Variants in MYO1B observed in about 807,000 individuals in gnomAD.
MYO1B encodes the protein myosin IB.
A neutral mutation model predicts 159.7 loss-of-function variants in MYO1B; 72 were observed. The ratio of observed to expected loss-of-function variants is 0.45; its 90% confidence interval spans 0.37 to 0.55. The LOEUF is 0.55. Among genes scored for constraint, MYO1B ranks in the 20% least tolerant of loss-of-function variants. MYO1B has a pLI of 0.00. For synonymous variants in MYO1B, 468 were observed against 473.8 expected (o/e 0.99, Z 0.16); for missense variants, 1,062 against 1,364.8 (o/e 0.78, Z 3.50).
chr2:191,326,436 G>A (rs1691072064), intron 3 of MYO1B, among the ~76,000 whole-genome samples: 3 of 152,186 alleles, frequency 2.0e-5, no homozygotes, highest in Admixed American at 1.3e-4. Flanking sequence ...TAAGAAATAA[G>A]TCTGATGACA....
chr2:191,302,699 A>G (rs1349782066), intron 3 of MYO1B, among the ~76,000 whole-genome samples: 6 of 152,170 alleles, frequency 3.9e-5, no homozygotes, highest in African/African-American at 1.2e-4. Flanking sequence ...GTTAGGATAT[A>G]ATGTGATGGC....
chr2:191,397,017 C>T (rs147068897), intron 21 of MYO1B, among the ~76,000 whole-genome samples: 1,667 of 151,962 alleles, frequency 0.011, 28 homozygotes, highest in Non-Finnish European at 0.012. Context: ...CACTGAACTA[C>T]AGGCCACAGG....
intron 2 of MYO1B, among the ~76,000 whole-genome samples, chr2:191,282,811 A>T (rs1688142926): frequency 6.6e-6 from 1 of 152,220 alleles, no homozygotes; most frequent in African/African-American, 2.4e-5. Flanking sequence ...TAGATGAAGT[A>T]GGGAAGGAAG....
At chr2:191,377,164 T>C (rs1165502061) in intron 13 of MYO1B, among the ~76,000 whole-genome samples, 2 of 152,316 alleles carry the variant, frequency 1.3e-5, no homozygotes, top group East Asian at 3.9e-4. Flanking sequence ...TATCCCAATC[T>C]ATAGTTGGTA....
intron 3 of MYO1B, among the ~76,000 whole-genome samples, chr2:191,314,950 G>T (rs145501938): frequency 6.3e-4 from 96 of 152,234 alleles, no homozygotes; most frequent in African/African-American, 2.2e-3. Context: ...TTTTTAAATT[G>T]TAGATTTTTT....
chr2:191,323,654 G>C (rs1305646739), intron 3 of MYO1B, among the ~76,000 whole-genome samples: 5 of 152,058 alleles, frequency 3.3e-5, no homozygotes, highest in Non-Finnish European at 7.4e-5. Flanking sequence ...GATTCTAAAG[G>C]AAGAAGAAAC....
intron 11 of MYO1B, among the ~76,000 whole-genome samples, chr2:191,365,775 C>T (rs1252226451): frequency 1.3e-5 from 2 of 152,056 alleles, no homozygotes; most frequent in African/African-American, 4.8e-5. Flanking sequence ...AGATTTGGGG[C>T]ACATATCAGA....
chr2:191,315,892 G>A (rs1416072589), intron 3 of MYO1B, among the ~76,000 whole-genome samples: 1 of 152,222 alleles, frequency 6.6e-6, no homozygotes, highest in Non-Finnish European at 1.5e-5. Flanking sequence ...GTTAGAACCA[G>A]TGCAGAATTC....
chr2:191,423,561 G>A (rs1698077591), intron 30 of MYO1B, among the ~76,000 whole-genome samples: 1 of 152,148 alleles, frequency 6.6e-6, no homozygotes, highest in African/African-American at 2.4e-5. Flanking sequence ...GTGGTTCATT[G>A]TTCACTGAAA....
At chr2:191,399,275 G>A (rs906481542) in intron 21 of MYO1B, among the ~76,000 whole-genome samples, 2 of 302 alleles carry the variant, frequency 6.6e-3, no homozygotes, top group African/African-American at 8.5e-3. Context: ...CGTGGGGAGA[G>A]GGAGAGGGAG....
At chr2:191,398,551 C>T (rs1332732719) in intron 21 of MYO1B, among the ~76,000 whole-genome samples, 66 of 148,150 alleles carry the variant, frequency 4.5e-4, no homozygotes, top group Non-Finnish European at 2.7e-4. Context: ...ACTTCTCAGA[C>T]GGGGCGGCCG....
intron 7 of MYO1B, among the ~76,000 whole-genome samples, chr2:191,354,256 A>AAT (rs1693120953): frequency 7.0e-6 from 1 of 143,860 alleles, no homozygotes; most frequent in Non-Finnish European, 1.5e-5. Flanking sequence ...ACTCCGTCTT[A>AAT]AATAATAATA....
At chr2:191,392,944 G>A in intron 19 of MYO1B, 129 bp from the exon 20 acceptor site, 1 of 743,728 alleles carries the variant, frequency 1.3e-6, no homozygotes, top group Non-Finnish European at 2.2e-6. Flanking sequence ...AATGCATATG[G>A]TTTTTCAGTT....
At chr2:191,276,394 A>G (rs1185455594) in intron 1 of MYO1B, among the ~76,000 whole-genome samples, 3 of 152,224 alleles carry the variant, frequency 2.0e-5, no homozygotes, top group African/African-American at 7.2e-5. Flanking sequence ...TACCTACCTC[A>G]TAGAGTTATT....
chr2:191,416,272 T>G (rs764919486), intron 30 of MYO1B, 30 bp downstream of exon 30: 2 of 1,613,156 alleles, frequency 1.2e-6, no homozygotes, highest in Non-Finnish European at 1.7e-6. Flanking sequence ...GAAAACCCTT[T>G]TTCTCTTTCA....
At chr2:191,253,032 G>A (rs567911065) in intron 1 of MYO1B, among the ~76,000 whole-genome samples, 20 of 151,788 alleles carry the variant, frequency 1.3e-4, no homozygotes, top group Admixed American at 1.2e-3. Flanking sequence ...TACCCAAAGT[G>A]AGTTGTTCCA....
chr2:191,266,610 G>A (rs1378155), intron 1 of MYO1B, among the ~76,000 whole-genome samples: 57,869 of 152,046 alleles, frequency 0.38, 11,220 homozygotes, highest in Middle Eastern at 0.54. Flanking sequence ...TTTCAGACCC[G>A]TCAGAAAAGC....
At chr2:191,373,322 G>A (rs925588515) in intron 13 of MYO1B, among the ~76,000 whole-genome samples, 5 of 152,190 alleles carry the variant, frequency 3.3e-5, no homozygotes, top group African/African-American at 4.8e-5. Flanking sequence ...GGCTGCAGCA[G>A]CAACCTTTTT....
intron 3 of MYO1B, among the ~76,000 whole-genome samples, chr2:191,302,175 T>A (rs930463972): frequency 6.6e-6 from 1 of 152,346 alleles, no homozygotes; most frequent in East Asian, 1.9e-4. Flanking sequence ...ACAAGGGACT[T>A]GCACTGGCCC....
Sources: gnomAD v4.1 joint callset for allele counts (sites outside exome capture counted in the v4.1 genomes callset) on GRCh38, gnomAD v4.1.1 for gene constraint, MANE v1.5 for transcripts, NCBI Gene and HGNC (gene_info 2026-07-23, HGNC 2026-07-21) for gene names.